EFHC2: variants seen among roughly 807,000 people sequenced by gnomAD.
The protein encoded by EFHC2 is EF-hand domain-containing family member C2.
Under a neutral mutation model 52.7 loss-of-function variants are expected in EFHC2, and 18 were observed. The observed-to-expected ratio is 0.34, with a 90% CI of 0.24 to 0.51. EFHC2 has a LOEUF of 0.51. Among genes scored for constraint, EFHC2 ranks in the 20% least tolerant of loss-of-function variants. EFHC2 has a pLI of 0.97. For missense variants in EFHC2, 513 were observed against 562.5 expected (o/e 0.91, Z 0.89); for synonymous variants, 203 against 204.1 (o/e 0.99, Z 0.04).
At chrX:44,152,757 A>ACACACACAC (rs1569271750) in intron 14 of EFHC2, among the ~76,000 whole-genome samples, 82 of 92,935 alleles carry the variant, frequency 8.8e-4, no homozygotes, top group African/African-American at 3.1e-3. Flanking sequence ...CACACACACA[A>ACACACACAC]AACAATATAT....
intron 14 of EFHC2, among the ~76,000 whole-genome samples, chrX:44,163,123 C>T (rs919182819): frequency 8.9e-6 from 1 of 112,272 alleles, no homozygotes; most frequent in Non-Finnish European, 1.9e-5. Context: ...TATGGCTGCC[C>T]TTGGAGTAGC....
At chrX:44,337,235 A>G (rs1051310893) in intron 1 of EFHC2, among the ~76,000 whole-genome samples, 1 of 111,905 alleles carries the variant, frequency 8.9e-6, no homozygotes, top group East Asian at 2.8e-4. Context: ...AGGTAAGCTA[A>G]GTTTAACTAT....
intron 3 of EFHC2, among the ~76,000 whole-genome samples, chrX:44,265,656 T>G (rs1013885899): frequency 9.0e-6 from 1 of 111,720 alleles, no homozygotes; most frequent in Non-Finnish European, 1.9e-5. Flanking sequence ...AGATATTTCT[T>G]AGGTAAATGA....
chrX:44,209,140 G>C (rs2037075046), intron 11 of EFHC2, among the ~76,000 whole-genome samples: 1 of 106,135 alleles, frequency 9.4e-6, no homozygotes, highest in Non-Finnish European at 1.9e-5. Context: ...AATGTGGAAG[G>C]CAAATGTTGT....
At chrX:44,288,986 A>G (rs1437414901) in intron 2 of EFHC2, among the ~76,000 whole-genome samples, 1 of 111,938 alleles carries the variant, frequency 8.9e-6, no homozygotes, top group Non-Finnish European at 1.9e-5. Flanking sequence ...AGCAGGAAAA[A>G]GTATATGGCA....
intron 14 of EFHC2, among the ~76,000 whole-genome samples, chrX:44,157,818 C>T (rs1220510838): frequency 1.9e-5 from 2 of 107,510 alleles, no homozygotes; most frequent in African/African-American, 6.8e-5. Flanking sequence ...TCCAGGATCC[C>T]TTTGAGTATG....
At chrX:44,300,686 T>C (rs907854500) in intron 2 of EFHC2, among the ~76,000 whole-genome samples, 2 of 111,782 alleles carry the variant, frequency 1.8e-5, no homozygotes, top group Non-Finnish European at 1.9e-5. Flanking sequence ...GCCTAGGGAC[T>C]AGACTGCCTT....
intron 11 of EFHC2, among the ~76,000 whole-genome samples, chrX:44,221,438 G>A (rs1176149825): frequency 9.0e-6 from 1 of 111,727 alleles, no homozygotes; most frequent in African/African-American, 3.2e-5. Flanking sequence ...TTATACGAAA[G>A]TTCATAAAAA....
chrX:44,292,513 T>C (rs1362200210), intron 2 of EFHC2, among the ~76,000 whole-genome samples: 2 of 112,078 alleles, frequency 1.8e-5, no homozygotes, highest in African/African-American at 3.2e-5. Context: ...CAGCCACTCA[T>C]ATGGACAATC....
chrX:44,341,277 G>T (rs1602225318), intron 1 of EFHC2, among the ~76,000 whole-genome samples: 1 of 111,937 alleles, frequency 8.9e-6, no homozygotes, highest in South Asian at 3.7e-4. Context: ...GAACAGAAAG[G>T]TTCATAGGTA....
chrX:44,287,121 G>A (rs2037756605), intron 2 of EFHC2, among the ~76,000 whole-genome samples: 1 of 106,989 alleles, frequency 9.3e-6, no homozygotes, highest in East Asian at 2.9e-4. Flanking sequence ...TTGGGAGGCC[G>A]AAGTGAGTGG....
intron 10 of EFHC2, among the ~76,000 whole-genome samples, chrX:44,230,513 T>G (rs909870977): frequency 9.0e-6 from 1 of 111,629 alleles, no homozygotes; most frequent in Non-Finnish European, 1.9e-5. Flanking sequence ...CTCCTCCCAC[T>G]TTTTTTGCAT....
intron 11 of EFHC2, among the ~76,000 whole-genome samples, chrX:44,189,932 A>G (rs1457590051): frequency 9.0e-6 from 1 of 111,341 alleles, no homozygotes; most frequent in African/African-American, 3.3e-5. Context: ...TGGTGAAGTT[A>G]GGAGCTTAAG....
intron 8 of EFHC2, 47 bp downstream of exon 8, chrX:44,242,074 A>G: frequency 8.8e-7 from 1 of 1,130,123 alleles, no homozygotes; most frequent in South Asian, 2.2e-5. Flanking sequence ...ATAAACCCCA[A>G]ACACATTTGG....
intron 2 of EFHC2, among the ~76,000 whole-genome samples, chrX:44,306,181 C>G (rs1034815320): frequency 3.6e-5 from 4 of 111,266 alleles, no homozygotes; most frequent in African/African-American, 1.3e-4. Context: ...CCGACCCAGC[C>G]CCCAGCTCCA....
rs191317415 is a variant in EFHC2 at position 44,336,364 on chromosome X, G to A, written c.42+7183C>T. Among the ~76,000 whole-genome samples, 180 of 107,326 alleles carry A rather than the reference G, an allele frequency of 1.7e-3. 3 individuals carry two copies. The highest frequency in any genetic ancestry group is 1.0e-3 in the Non-Finnish European group (54 of 51,973). 93.2% of individuals were successfully genotyped at this position (107,326 alleles called of 115,157 possible). A position where few individuals can be genotyped will look rare whatever the true frequency, so the allele number is the denominator to read the frequency against. On this transcript the variant is annotated intron_variant, in intron 1 of 14. Transcript: ENST00000420999. ...ATCGCGCCACTACACTCCCCTGGGC[G>A]ACAGAGTGAGACTCAGTCTCAAAAA...
At chrX:44,207,129 CT>C (rs955779039) in intron 11 of EFHC2, among the ~76,000 whole-genome samples, 1 of 112,154 alleles carries the variant, frequency 8.9e-6, no homozygotes, top group Non-Finnish European at 1.9e-5. Flanking sequence ...AGGACACCCT[CT>C]TCAATAAATG....
chrX:44,232,430 A>G, intron 10 of EFHC2, 51 bp downstream of exon 10: 2 of 952,343 alleles, frequency 2.1e-6, no homozygotes, highest in African/African-American at 4.0e-5. Context: ...AGAAAAACAC[A>G]GACTGCGGAG....
intron 7 of EFHC2, among the ~76,000 whole-genome samples, chrX:44,245,964 T>C (rs760895627): frequency 3.6e-5 from 4 of 111,419 alleles, no homozygotes; most frequent in Non-Finnish European, 7.5e-5. Flanking sequence ...GTCAGATCCT[T>C]CCTGCGTGCT....
Sources: gnomAD v4.1 joint callset for allele counts (sites outside exome capture counted in the v4.1 genomes callset) on GRCh38, gnomAD v4.1.1 for gene constraint, MANE v1.5 for transcripts, NCBI Gene and HGNC (gene_info 2026-07-23, HGNC 2026-07-21) for gene names.